ROBO2: variants seen among roughly 807,000 people sequenced by gnomAD.
The protein encoded by ROBO2 is roundabout guidance receptor 2.
Under a neutral mutation model 160.8 loss-of-function variants are expected in ROBO2, and 53 were observed. The ratio of observed to expected loss-of-function variants is 0.33; its 90% CI spans 0.26 to 0.41. The LOEUF is 0.41. Among genes scored for constraint, ROBO2 ranks in the 10% least tolerant of loss-of-function variants. The pLI, the probability that ROBO2 is intolerant of heterozygous loss-of-function variation, is 1.00. For synonymous variants in ROBO2, 664 were observed against 611.7 expected (o/e 1.09, Z -1.26); for missense variants, 1,577 against 1,722.4 (o/e 0.92, Z 1.49).
intron 2 of ROBO2, among the ~76,000 whole-genome samples, chr3:76,094,449 G>A (rs2069358448): frequency 6.6e-6 from 1 of 152,202 alleles, no homozygotes; most frequent in Non-Finnish European, 1.5e-5. Context: ...ACGAAATACA[G>A]CTGGGCTTAG....
intron 2 of ROBO2, among the ~76,000 whole-genome samples, chr3:76,394,058 G>T (rs1455809604): frequency 1.3e-5 from 2 of 152,150 alleles, no homozygotes; most frequent in Non-Finnish European, 2.9e-5. Flanking sequence ...ACAGCACACT[G>T]ATGGGTCTTG....
In ROBO2 at chr3:76,005,712, A is replaced by G. The variant is rs1365357442; in HGVS notation, c.109+68110A>G. Among the ~76,000 whole-genome samples the G allele has an allele frequency of 4.6e-5, 7 of 152,170 alleles. No homozygotes were observed. In the East Asian group the frequency reaches 5.8e-4, roughly 13 times the overall value. On this transcript the variant is annotated intron_variant, in intron 2 of 26. Coordinates refer to the ROBO2 transcript ENST00000487694. ...TTCCAGAGTTACAACAAAATGATCA[A>G]TACTTGAACAATATAACACACACTA... is the stretch of plus-strand genomic sequence containing the variant.
intron 2 of ROBO2, among the ~76,000 whole-genome samples, chr3:76,587,769 AT>A: frequency 6.6e-6 from 1 of 152,178 alleles, no homozygotes; most frequent in East Asian, 1.9e-4. Context: ...ATCAGAAAAT[AT>A]TTTTCTCCAA....
intron 2 of ROBO2, among the ~76,000 whole-genome samples, chr3:76,161,887 T>C (rs2072652934): frequency 1.3e-5 from 2 of 152,216 alleles, no homozygotes; most frequent in Admixed American, 1.3e-4. Flanking sequence ...ATACTGCATG[T>C]GCATTTGAGC....
intron 2 of ROBO2, among the ~76,000 whole-genome samples, chr3:77,453,656 A>G (rs2081332832): frequency 6.6e-6 from 1 of 152,112 alleles, no homozygotes; most frequent in Non-Finnish European, 1.5e-5. Context: ...TTTAGTTAAT[A>G]TTCCTGATTA....
At chr3:76,115,140 A>G (rs908337137) in intron 2 of ROBO2, among the ~76,000 whole-genome samples, 2 of 152,152 alleles carry the variant, frequency 1.3e-5, no homozygotes. Context: ...AAGGAAAAGA[A>G]CACTAAGTTT....
chr3:75,956,426 G>A (rs1030036462), intron 2 of ROBO2, among the ~76,000 whole-genome samples: 2 of 151,656 alleles, frequency 1.3e-5, no homozygotes, highest in African/African-American at 4.8e-5. Context: ...TGTCCTGATG[G>A]CATTCCAAAG....
At chr3:76,622,916 G>A (rs1395495447) in intron 2 of ROBO2, among the ~76,000 whole-genome samples, 2 of 152,146 alleles carry the variant, frequency 1.3e-5, no homozygotes, top group Admixed American at 6.5e-5. Context: ...CTGATATCCA[G>A]TGACAGGCTT....
intron 2 of ROBO2, among the ~76,000 whole-genome samples, chr3:76,829,685 T>C (rs2066907938): frequency 6.6e-6 from 1 of 151,732 alleles, no homozygotes; most frequent in African/African-American, 2.4e-5. Context: ...CTTTTTTTTT[T>C]GAGATAGAGT....
At chr3:76,820,098 T>C (rs987650967) in intron 2 of ROBO2, among the ~76,000 whole-genome samples, 1 of 152,086 alleles carries the variant, frequency 6.6e-6, no homozygotes, top group Non-Finnish European at 1.5e-5. Context: ...AACATGTCAG[T>C]TATTGAAAAA....
intron 2 of ROBO2, among the ~76,000 whole-genome samples, chr3:77,456,427 A>G (rs1194975164): frequency 6.6e-6 from 1 of 152,220 alleles, no homozygotes; most frequent in Non-Finnish European, 1.5e-5. Context: ...ATTTATGTGA[A>G]AAAACACTTA....
chr3:75,923,341 A>G (rs759454655), intron 1 of ROBO2, among the ~76,000 whole-genome samples: 1 of 152,208 alleles, frequency 6.6e-6, no homozygotes, highest in Non-Finnish European at 1.5e-5. Flanking sequence ...TTCTGTACAT[A>G]AAAGTCAGTT....
chr3:77,601,468 T>G (rs910516234), intron 19 of ROBO2, among the ~76,000 whole-genome samples: 1 of 152,120 alleles, frequency 6.6e-6, no homozygotes, highest in Non-Finnish European at 1.5e-5. Flanking sequence ...AAATGAAAAA[T>G]GGACTGATTG....
chr3:77,550,121 A>C (rs2092859498), intron 7 of ROBO2, among the ~76,000 whole-genome samples: 1 of 152,056 alleles, frequency 6.6e-6, no homozygotes, highest in Admixed American at 6.6e-5. Flanking sequence ...GAGTAAACTA[A>C]AGTAATTTTG....
intron 2 of ROBO2, among the ~76,000 whole-genome samples, chr3:76,496,146 A>G: frequency 6.6e-6 from 1 of 152,254 alleles, no homozygotes; most frequent in East Asian, 1.9e-4. Context: ...ACAGTTAAAT[A>G]GATTCATCTA....
At chr3:75,999,563 A>AT (rs2065824335) in intron 2 of ROBO2, among the ~76,000 whole-genome samples, 1 of 152,122 alleles carries the variant, frequency 6.6e-6, no homozygotes, top group Non-Finnish European at 1.5e-5. Flanking sequence ...ACTGGAAAGC[A>AT]TTTTTTAACT....
chr3:77,499,961 A>G (rs993720243), intron 5 of ROBO2, among the ~76,000 whole-genome samples: 3 of 152,058 alleles, frequency 2.0e-5, no homozygotes, highest in South Asian at 2.1e-4. Context: ...TTTAAATTAT[A>G]TAGATTCATT....
chr3:76,154,294 T>G (rs995281311), intron 2 of ROBO2, among the ~76,000 whole-genome samples: 1 of 152,178 alleles, frequency 6.6e-6, no homozygotes, highest in Non-Finnish European at 1.5e-5. Flanking sequence ...CATGAATATA[T>G]GATTTTGAGT....
At chr3:75,916,287 A>C (rs1304004309) in intron 1 of ROBO2, among the ~76,000 whole-genome samples, 1 of 152,210 alleles carries the variant, frequency 6.6e-6, no homozygotes, top group Non-Finnish European at 1.5e-5. Flanking sequence ...CTGGAGAACA[A>C]ACTAACAACT....
Sources: allele counts gnomAD v4.1 joint callset (sites outside exome capture counted in the v4.1 genomes callset), GRCh38; gene constraint gnomAD v4.1.1; transcripts MANE v1.5; gene names NCBI Gene and HGNC (gene_info 2026-07-23, HGNC 2026-07-21).